The following HEMK2 variants were observed in gnomAD, a reference collection of about 807,000 sequenced individuals.
The protein encoded by HEMK2 is HemK methyltransferase 2, ETF1 glutamine and histone H4 lysine, also known as methyltransferase HEMK2.
chr21:28,593,542 G>A, the HEMK2 span, among the ~76,000 whole-genome samples: 2 of 152,278 alleles, frequency 1.3e-5, no homozygotes, highest in East Asian at 3.9e-4. Flanking sequence ...ACTCTTCAGA[G>A]AAATGGCTGA....
the HEMK2 span, among the ~76,000 whole-genome samples, chr21:28,634,034 T>G: frequency 6.6e-6 from 1 of 152,204 alleles, no homozygotes; most frequent in Non-Finnish European, 1.5e-5. Context: ...CGTTTCATGT[T>G]CGGGAACTCC....
At chr21:28,590,235 C>T in the HEMK2 span, among the ~76,000 whole-genome samples, 3 of 152,086 alleles carry the variant, frequency 2.0e-5, no homozygotes. Context: ...AAAGAGGAAG[C>T]ATTTATGTTT....
chr21:28,757,751 G>C, the HEMK2 span, among the ~76,000 whole-genome samples: 53,853 of 151,940 alleles, frequency 0.35, 10,686 homozygotes, highest in East Asian at 0.55. Context: ...GTACTGACTA[G>C]GATAAGCGTA....
chr21:28,643,941 C>G, the HEMK2 span, among the ~76,000 whole-genome samples: 1 of 152,116 alleles, frequency 6.6e-6, no homozygotes, highest in East Asian at 1.9e-4. Flanking sequence ...TACATTAAGC[C>G]AGTGATAGGA....
chr21:28,590,642 G>A, the HEMK2 span, among the ~76,000 whole-genome samples: 1 of 152,192 alleles, frequency 6.6e-6, no homozygotes, highest in African/African-American at 2.4e-5. Flanking sequence ...AAGATTTGTG[G>A]TGATAAAGCA....
the HEMK2 span, among the ~76,000 whole-genome samples, chr21:28,743,607 G>A: frequency 3.6e-4 from 55 of 152,218 alleles, no homozygotes; most frequent in Admixed American, 9.2e-4. Flanking sequence ...AGAGAGGAAG[G>A]GAGGGAGGAA....
chr21:28,745,379 T>C, the HEMK2 span, among the ~76,000 whole-genome samples: 2 of 152,234 alleles, frequency 1.3e-5, no homozygotes, highest in Admixed American at 1.3e-4. Flanking sequence ...AATCGGCTTG[T>C]TATTTAAACA....
the HEMK2 span, among the ~76,000 whole-genome samples, chr21:28,826,866 G>C: frequency 1.3e-5 from 2 of 152,118 alleles, no homozygotes; most frequent in Non-Finnish European, 2.9e-5. Flanking sequence ...AGGAGAACCT[G>C]GCATAACCAG....
At chr21:28,752,170 G>A in the HEMK2 span, among the ~76,000 whole-genome samples, 29,475 of 152,070 alleles carry the variant, frequency 0.19, 3,577 homozygotes, top group African/African-American at 0.34. Flanking sequence ...ATTCCTGTTT[G>A]CCAGTGAATA....
chr21:28,711,987 A>G, the HEMK2 span, among the ~76,000 whole-genome samples: 1 of 152,048 alleles, frequency 6.6e-6, no homozygotes, highest in African/African-American at 2.4e-5. Context: ...TGAGGGCTCC[A>G]CTCTTATGAC....
At chr21:28,626,922 A>G in the HEMK2 span, among the ~76,000 whole-genome samples, 1 of 152,222 alleles carries the variant, frequency 6.6e-6, no homozygotes, top group Admixed American at 6.5e-5. Flanking sequence ...GTATTCACAG[A>G]AACATTTTTA....
the HEMK2 span, among the ~76,000 whole-genome samples, chr21:28,636,425 C>T: frequency 4.7e-4 from 71 of 152,264 alleles, no homozygotes; most frequent in African/African-American, 1.7e-3. Flanking sequence ...CAAAAACAGA[C>T]ATCTTATCAC....
At chr21:28,745,787 G>T in the HEMK2 span, among the ~76,000 whole-genome samples, 1 of 152,280 alleles carries the variant, frequency 6.6e-6, no homozygotes, top group South Asian at 2.1e-4. Flanking sequence ...TGCAAAAACA[G>T]CCCCATGGAA....
At chr21:28,665,940 G>C in the HEMK2 span, among the ~76,000 whole-genome samples, 1 of 151,968 alleles carries the variant, frequency 6.6e-6, no homozygotes, top group Non-Finnish European at 1.5e-5. Context: ...AAATAGCCTT[G>C]CCAACTGCTT....
chr21:28,705,832 C>A, the HEMK2 span, among the ~76,000 whole-genome samples: 27 of 152,100 alleles, frequency 1.8e-4, no homozygotes, highest in Non-Finnish European at 7.4e-5. Context: ...ATGACTCCCT[C>A]CCCCATCTTC....
chr21:28,590,337 A>G, the HEMK2 span, among the ~76,000 whole-genome samples: 2 of 152,204 alleles, frequency 1.3e-5, no homozygotes, highest in Non-Finnish European at 2.9e-5. Context: ...TGGAATGACC[A>G]CCATACACAA....
At chr21:28,649,341 C>T in the HEMK2 span, among the ~76,000 whole-genome samples, 1 of 152,152 alleles carries the variant, frequency 6.6e-6, no homozygotes, top group Non-Finnish European at 1.5e-5. Context: ...TCTCGTCTGA[C>T]CCGATTAAGA....
At chr21:28,680,972 A>T in the HEMK2 span, among the ~76,000 whole-genome samples, 160 of 152,158 alleles carry the variant, frequency 1.1e-3, no homozygotes, top group African/African-American at 3.5e-3. Context: ...ACTGGAAGCA[A>T]TCCCTTTGAA....
the HEMK2 span, among the ~76,000 whole-genome samples, chr21:28,788,678 A>G: frequency 6.6e-6 from 1 of 151,330 alleles, no homozygotes; most frequent in Admixed American, 6.6e-5. Flanking sequence ...ACTTATGGAA[A>G]AATAAAATAA....
Sources: gnomAD v4.1 joint callset for allele counts (sites outside exome capture counted in the v4.1 genomes callset) on GRCh38, gnomAD v4.1.1 for gene constraint, MANE v1.5 for transcripts, NCBI Gene and HGNC (gene_info 2026-07-23, HGNC 2026-07-21) for gene names.